Variants in CHM observed in about 807,000 individuals in gnomAD.
CHM encodes the protein rab proteins geranylgeranyltransferase component A 1.
CHM carries 10 observed loss-of-function variants against 49.0 expected under a neutral mutation model. The observed-to-expected ratio is 0.20, with a 90% CI of 0.13 to 0.35. CHM has a LOEUF of 0.35. Among genes scored for constraint, CHM ranks in the 10% least tolerant of loss-of-function variants. CHM has a pLI of 1.00. For synonymous variants in CHM, 184 were observed against 167.5 expected, an observed-to-expected ratio of 1.10 and a Z score of -0.76; for missense variants, 455 against 478.4, an observed-to-expected ratio of 0.95 and a Z score of 0.46.
At chrX:86,028,355 A>G (rs1172772871) in intron 1 of CHM, among the ~76,000 whole-genome samples, 1 of 111,777 alleles carries the variant, frequency 8.9e-6, no homozygotes, top group Non-Finnish European at 1.9e-5. Flanking sequence ...TTGAAATTTA[A>G]ACCCAGATAT....
intron 8 of CHM, among the ~76,000 whole-genome samples, chrX:85,917,916 A>C (rs984004784): frequency 9.0e-6 from 1 of 111,711 alleles, no homozygotes; most frequent in Non-Finnish European, 1.9e-5. Context: ...GGGACTACAT[A>C]AAGAGACCAA....
chrX:86,001,266 T>C (rs947566136), intron 2 of CHM, among the ~76,000 whole-genome samples: 1 of 111,319 alleles, frequency 9.0e-6, no homozygotes, highest in Non-Finnish European at 1.9e-5. Context: ...TATATGAATG[T>C]TTACATTTTG....
At chrX:85,955,671 G>T (rs1039767963) in intron 8 of CHM, among the ~76,000 whole-genome samples, 24 of 112,198 alleles carry the variant, frequency 2.1e-4, no homozygotes, top group African/African-American at 7.1e-4. Context: ...ACACGATGTT[G>T]TAAAGTGTTA....
At chrX:85,981,022 G>T in intron 3 of CHM, among the ~76,000 whole-genome samples, 1 of 106,643 alleles carries the variant, frequency 9.4e-6, no homozygotes, top group African/African-American at 3.4e-5. Context: ...TTTCAAAAAA[G>T]GTTTTTGTTC....
chrX:85,906,694 C>T (rs1438559624), intron 9 of CHM, among the ~76,000 whole-genome samples: 1 of 111,950 alleles, frequency 8.9e-6, no homozygotes, highest in Non-Finnish European at 1.9e-5. Flanking sequence ...GGTTGGCAGA[C>T]GTTAAGTATC....
chrX:85,964,713 T>C (rs1013739567), intron 4 of CHM, among the ~76,000 whole-genome samples: 1 of 112,315 alleles, frequency 8.9e-6, no homozygotes, highest in Non-Finnish European at 1.9e-5. Context: ...CCTTTCTGTA[T>C]AATTTCCTGC....
chrX:86,039,202 T>C (rs1934358339), intron 1 of CHM, among the ~76,000 whole-genome samples: 1 of 112,176 alleles, frequency 8.9e-6, no homozygotes, highest in Admixed American at 9.4e-5. Context: ...AACAATTTTC[T>C]AATTATCATT....
chrX:85,882,549 G>A (rs1177696289), intron 12 of CHM, among the ~76,000 whole-genome samples: 1 of 111,715 alleles, frequency 9.0e-6, no homozygotes, highest in Non-Finnish European at 1.9e-5. Context: ...GGCTTAATGA[G>A]CTAAAAATGG....
intron 1 of CHM, among the ~76,000 whole-genome samples, chrX:86,030,903 T>C (rs1934013555): frequency 9.0e-6 from 1 of 111,612 alleles, no homozygotes; most frequent in Non-Finnish European, 1.9e-5. Flanking sequence ...GGGTTATCCA[T>C]GTTGCAGCAT....
chrX:85,913,334 AAGAAAGAAAG>A (rs1927207093), intron 8 of CHM, among the ~76,000 whole-genome samples: 6 of 60,274 alleles, frequency 1.0e-4, no homozygotes, highest in African/African-American at 3.5e-4. Flanking sequence ...AAAAAAAAAA[AAGAAAGAAAG>A]AAAGAAAGAA....
At chrX:85,892,429 A>G (rs981958101) in intron 12 of CHM, among the ~76,000 whole-genome samples, 14 of 109,684 alleles carry the variant, frequency 1.3e-4, no homozygotes, top group African/African-American at 4.7e-4. Context: ...TGCTATTCTC[A>G]TGATAGTGTG....
At chrX:85,919,470 A>G (rs1927653210) in intron 8 of CHM, among the ~76,000 whole-genome samples, 1 of 111,216 alleles carries the variant, frequency 9.0e-6, no homozygotes, top group Admixed American at 9.6e-5. Context: ...TGGGGCCTCA[A>G]ATACATTTAA....
chrX:85,927,539 C>T (rs1410474102), intron 8 of CHM, among the ~76,000 whole-genome samples: 3 of 112,090 alleles, frequency 2.7e-5, no homozygotes, highest in Admixed American at 1.9e-4. Context: ...TTTACAAACT[C>T]GAGAAACATT....
intron 2 of CHM, among the ~76,000 whole-genome samples, chrX:86,005,603 T>C (rs1932836058): frequency 9.0e-6 from 1 of 111,702 alleles, no homozygotes; most frequent in Non-Finnish European, 1.9e-5. Flanking sequence ...CCCAGAGAAA[T>C]ACAAACTACC....
intron 2 of CHM, among the ~76,000 whole-genome samples, chrX:85,982,028 T>G (rs1045391129): frequency 1.1e-3 from 117 of 111,392 alleles, no homozygotes; most frequent in African/African-American, 3.8e-3. Flanking sequence ...TTTCATCACA[T>G]AAGGAGTTAA....
intron 4 of CHM, among the ~76,000 whole-genome samples, chrX:85,974,367 G>T (rs1023369633): frequency 9.0e-6 from 1 of 111,714 alleles, no homozygotes; most frequent in Non-Finnish European, 1.9e-5. Flanking sequence ...ATCTCAGCAA[G>T]ATTTTTCTTT....
chrX:85,894,512 A>T (rs1307376492), intron 11 of CHM, among the ~76,000 whole-genome samples: 1 of 111,725 alleles, frequency 9.0e-6, no homozygotes, highest in African/African-American at 3.2e-5. Flanking sequence ...TATTTATTAA[A>T]TCCTTACTTA....
chrX:85,894,356 G>T, intron 11 of CHM, 72 bp from the exon 12 acceptor site: 2 of 766,728 alleles, frequency 2.6e-6, no homozygotes, highest in Non-Finnish European at 4.0e-6. Flanking sequence ...TTAAAATGCT[G>T]TTAACTTCTA....
At chrX:85,864,856 A>C in intron 14 of CHM, 35 bp from the exon 15 acceptor site, 8 of 1,141,761 alleles carry the variant, frequency 7.0e-6, no homozygotes, top group Non-Finnish European at 9.5e-6. Context: ...TCGTTTTTGG[A>C]AATCGGTTTA....
Sources: allele counts gnomAD v4.1 joint callset (sites outside exome capture counted in the v4.1 genomes callset), GRCh38; gene constraint gnomAD v4.1.1; transcripts MANE v1.5; gene names NCBI Gene and HGNC (gene_info 2026-07-23, HGNC 2026-07-21).